Variants in USP36 observed in about 807,000 individuals in gnomAD.
USP36 encodes the protein ubiquitin carboxyl-terminal hydrolase 36.
In USP36, 59 loss-of-function variants were observed where a neutral mutation model predicts 111.5. The observed-to-expected ratio is 0.53, with a 90% CI of 0.43 to 0.66. The LOEUF (loss-of-function observed/expected upper bound fraction) is 0.66, where lower values mean the gene tolerates loss of function less well. Among genes scored for constraint, USP36 ranks in the 30% least tolerant of loss-of-function variants. USP36 has a pLI of 0.00. For synonymous variants in USP36, 628 were observed against 581.0 expected, an observed-to-expected ratio of 1.08 and a Z score of -1.16; for missense variants, 1,488 against 1,468.0, an observed-to-expected ratio of 1.01 and a Z score of -0.22.
Position 78,798,068 on chromosome 17 carries a change from C to T in USP36, c.*21-189G>A, listed in dbSNP as rs2093656856. 10 of 286,276 alleles carry T rather than the reference C, an allele frequency of 3.5e-5. No homozygotes were observed. In the East Asian group the frequency reaches 6.3e-4, roughly 18 times the overall value. The allele number at this position is 286,276 out of a possible 1,614,324, so 17.7% of individuals were successfully genotyped here. A position where few individuals can be genotyped will look rare whatever the true frequency, so the allele number is the denominator to read the frequency against. On this transcript the variant is annotated intron_variant, in intron 20 of 20. Coordinates refer to ENST00000449938, the MANE Select transcript of USP36 (RefSeq NM_001385174.1). The surrounding 1 kb of genome is among the most constrained non-coding windows in gnomAD (Gnocchi z 5.1). The stretch of plus-strand genomic sequence containing the variant: ...ACACACAACCCACATCCCACACACA[C>T]CCCACACATGCCCTTCTCCAAGTGA...
intron 10 of USP36, among the ~76,000 whole-genome samples, chr17:78,816,539 T>C (rs552143454): frequency 6.6e-6 from 1 of 152,008 alleles, no homozygotes; most frequent in African/African-American, 2.4e-5. Context: ...GGCAGGAGAA[T>C]CGCTTGAACT....
At chr17:78,794,638 A>T (rs2093608217), downstream of USP36, among the ~76,000 whole-genome samples, 1 of 152,162 alleles carries the variant, frequency 6.6e-6, no homozygotes, top group African/African-American at 2.4e-5. Context: ...AGAATGGAAA[A>T]GCCTGTCAGG....
Position 78,803,183 on chromosome 17 carries a change from C to T in USP36, c.2810+202G>A, listed in dbSNP as rs1287614994. 6.6e-6 allele frequency among the ~76,000 whole-genome samples: 1 copy of T among 152,018 alleles called. No individual in the cohort carries two copies. Among genetic ancestry groups the T allele is most frequent in the Admixed American group, 6.6e-5 (1 of 15,260 alleles). ...AACTCCTGGGTTGAAGTGATCCACC[C>T]GCCTCAGCCTCCCAAAGTGCTAGGA... On this transcript the variant is annotated intron_variant, in intron 16 of 20. Coordinates refer to ENST00000449938, the MANE Select transcript of USP36 (RefSeq NM_001385174.1). This position sits in a 1 kb window ranked among gnomAD's most constrained non-coding sequence, Gnocchi z 4.6.
chr17:78,838,371 C>CAAA (rs1195525371), intron 2 of USP36, among the ~76,000 whole-genome samples: 45 of 58,424 alleles, frequency 7.7e-4, no homozygotes, highest in Admixed American at 1.6e-3. Context: ...GACTTGGTCT[C>CAAA]AAAAAAAAAA....
rs779425142 is a variant in USP36, at chr17:78,799,776, C to A, written c.3023-8G>T. The A allele has an allele frequency of 6.3e-7, 1 of 1,592,422 alleles. No individual in the cohort carries two copies. Among genetic ancestry groups the A allele is most frequent in the Non-Finnish European group, 8.5e-7 (1 of 1,172,352 alleles). On this transcript the variant is annotated splice_polypyrimidine_tract_variant and splice_region_variant and intron_variant, in intron 17 of 20. Transcript: ENST00000449938. ...GAGGGGCCTGGCTCAGCCCTGCAAT[C>A]GGAGCAGCCAAGAAACATTTACAGA...
At chr17:78,817,695 G>A (rs941314560) in intron 10 of USP36, among the ~76,000 whole-genome samples, 4 of 149,806 alleles carry the variant, frequency 2.7e-5, no homozygotes, top group Non-Finnish European at 5.9e-5. Context: ...TGGAGACAGC[G>A]CCACTGCAAT....
At chr17:78,799,061 T>C (rs961940498) in intron 18 of USP36, 38 bp from the exon 19 acceptor site, 4 of 1,597,322 alleles carry the variant, frequency 2.5e-6, no homozygotes, top group Admixed American at 3.3e-5. Flanking sequence ...GAGTGCAGGT[T>C]CCCAGGTCCC....
Position 78,827,312 on chromosome 17 carries a change from C to T in USP36, c.622G>A (p.Asp208Asn), listed in dbSNP as rs1391072410. 1 of 1,613,440 alleles carries T rather than the reference C, an allele frequency of 6.2e-7. No homozygotes were observed. Among genetic ancestry groups the T allele is most frequent in the Admixed American group, 1.7e-5 (1 of 60,014 alleles). ...GTGTACCGCAGGAACTCATGCGCGT[C>T]CTCCTGGTTCCCAAAGCGGAAGTGT... The part of the protein sequence containing the change: ...ARHFRFGNQE[D>N]AHEFLRYTID... Residue 208 changes from aspartate (D) to asparagine (N), a missense_variant, in exon 6 of 21, where the codon GAC (aspartate) becomes AAC (asparagine). Around this residue, in one of 3 missense-constraint regions of USP36, gnomAD observed 196 missense variants for 264.4 expected, o/e 0.74. Transcript: ENST00000449938.
chr17:78,823,516 G>A (rs942449428), intron 6 of USP36, among the ~76,000 whole-genome samples: 3 of 152,200 alleles, frequency 2.0e-5, no homozygotes, highest in African/African-American at 7.2e-5. Context: ...ACTGAGCCTG[G>A]GGACAAAGGG....
At chr17:78,825,348 C>T (rs2067442445) in intron 6 of USP36, among the ~76,000 whole-genome samples, 1 of 152,146 alleles carries the variant, frequency 6.6e-6, no homozygotes. Flanking sequence ...CAAAAAGGCC[C>T]CTCCACCTGC....
At position 78,798,315 on chromosome 17, in the gene USP36, C is replaced by T; in HGVS notation, c.*20+85G>A. ...ACACAGCCCACATACATCATACACA[C>T]ACGCCACACCCCACCACACCCCTAC... On this transcript the variant is annotated intron_variant, in intron 20 of 20. Coordinates refer to ENST00000449938, the MANE Select transcript of USP36 (RefSeq NM_001385174.1). This position sits in a 1 kb window ranked among gnomAD's most constrained non-coding sequence, Gnocchi z 5.1. 3 of 1,534,920 alleles carry T rather than the reference C, an allele frequency of 2.0e-6. No individual in the cohort carries two copies. Among genetic ancestry groups the T allele is most frequent in the Non-Finnish European group, 2.6e-6 (3 of 1,137,912 alleles).
intron 15 of USP36, among the ~76,000 whole-genome samples, chr17:78,804,495 CAA>C (rs10590690): frequency 0.53 from 72,102 of 136,130 alleles, 18,837 homozygotes; most frequent in East Asian, 0.6. Flanking sequence ...AAAACAAAAA[CAA>C]AAAAAAAAAA....
chr17:78,803,720 T>C lies in USP36; in HGVS notation c.2475A>G (p.Ser825=), dbSNP rs745471043. The change falls in exon 16 of 21, where the codon TCA becomes TCG. Residue 825 remains serine, a synonymous_variant. Transcript: ENST00000449938. The surrounding 1 kb of genome is among the most constrained non-coding windows in gnomAD (Gnocchi z 4.6). Reference sequence around the variant, plus strand: ...TGATGTGCTGTGGGAGGCGCGTCTCTGAGCCCAGCCTCTGCGGCTCTCCCA... The same window carrying C: ...TGATGTGCTGTGGGAGGCGCGTCTCCGAGCCCAGCCTCTGCGGCTCTCCCA... ...TFVGEPQRLG[S]ETRLPQHIRE... 6 of 1,611,988 alleles carry C rather than the reference T, an allele frequency of 3.7e-6. No homozygotes were observed. The highest frequency in any genetic ancestry group is 1.1e-5 in the South Asian group (1 of 91,038).
chr17:78,833,863 T>C (rs531078042), intron 4 of USP36, among the ~76,000 whole-genome samples: 1 of 152,194 alleles, frequency 6.6e-6, no homozygotes, highest in Non-Finnish European at 1.5e-5. Context: ...ATCCGAGTTA[T>C]AGGAACTTTA....
intron 10 of USP36, among the ~76,000 whole-genome samples, chr17:78,817,271 A>G (rs1370399917): frequency 6.6e-6 from 1 of 152,176 alleles, no homozygotes; most frequent in Non-Finnish European, 1.5e-5. Flanking sequence ...CTGGTGACAC[A>G]TTTCTTAAAA....
chr17:78,816,317 G>A (rs2094188385), intron 10 of USP36, among the ~76,000 whole-genome samples: 1 of 151,956 alleles, frequency 6.6e-6, no homozygotes, highest in Non-Finnish European at 1.5e-5. Flanking sequence ...GCGCCACCAT[G>A]ACTGGCCAAT....
intron 4 of USP36, among the ~76,000 whole-genome samples, chr17:78,830,347 A>G (rs946601191): frequency 1.3e-5 from 2 of 152,230 alleles, no homozygotes; most frequent in Non-Finnish European, 2.9e-5. Context: ...CAGTTCCTTC[A>G]AATCTTCCAG....
intron 14 of USP36, among the ~76,000 whole-genome samples, chr17:78,806,756 C>G (rs1314772081): frequency 1.3e-5 from 2 of 152,248 alleles, no homozygotes; most frequent in Non-Finnish European, 2.9e-5. Flanking sequence ...GATCAGGGCT[C>G]TCTCAACACC....
At chr17:78,831,637 A>C (rs550522236) in intron 4 of USP36, among the ~76,000 whole-genome samples, 1 of 152,052 alleles carries the variant, frequency 6.6e-6, no homozygotes, top group African/African-American at 2.4e-5. Context: ...TTAAGCCTCT[A>C]ATCATTATAT....
Sources: allele counts gnomAD v4.1 joint callset (sites outside exome capture counted in the v4.1 genomes callset), GRCh38; gene constraint gnomAD v4.1.1; regional missense constraint gnomAD v4.1.1; non-coding constraint Gnocchi (gnomAD v3.1); transcripts MANE v1.5; gene names NCBI Gene and HGNC (gene_info 2026-07-23, HGNC 2026-07-21).